MAML3: variants seen among roughly 807,000 people sequenced by gnomAD.
The protein encoded by MAML3 is mastermind like transcriptional coactivator 3.
MAML3 carries 27 observed loss-of-function variants against 101.9 expected under a neutral mutation model. The ratio of observed to expected loss-of-function variants is 0.27; its 90% CI spans 0.20 to 0.37. The LOEUF is 0.37. Ranked by LOEUF, MAML3 falls within the 10% of genes least tolerant of loss-of-function variation. The probability of loss-of-function intolerance (pLI) is 1.00; values close to 1 mark genes in which losing one functional copy is unlikely to be tolerated. For synonymous variants in MAML3, 501 were observed against 555.9 expected, an observed-to-expected ratio of 0.90 and a Z score of 1.39; for missense variants, 1,316 against 1,444.9, an observed-to-expected ratio of 0.91 and a Z score of 1.45.
At chr4:139,774,949 A>G (rs569834597) in intron 2 of MAML3, among the ~76,000 whole-genome samples, 29 of 152,300 alleles carry the variant, frequency 1.9e-4, no homozygotes, top group African/African-American at 6.5e-4. Context: ...TTTGATAGCT[A>G]CACCTGGGAT....
intron 1 of MAML3, among the ~76,000 whole-genome samples, chr4:139,956,861 C>T: frequency 6.6e-6 from 1 of 152,214 alleles, no homozygotes; most frequent in East Asian, 1.9e-4. Context: ...GCTTCGAACC[C>T]AGGAGAAGGG....
chr4:139,827,956 A>T (rs1731092998), intron 2 of MAML3, among the ~76,000 whole-genome samples: 1 of 152,214 alleles, frequency 6.6e-6, no homozygotes, highest in Admixed American at 6.5e-5. Flanking sequence ...TCAACTCTTG[A>T]AAAAGTGAGG....
chr4:139,980,745 G>T (rs1709920394), intron 1 of MAML3, among the ~76,000 whole-genome samples: 1 of 152,154 alleles, frequency 6.6e-6, no homozygotes, highest in Non-Finnish European at 1.5e-5. Context: ...TGACAGCCAA[G>T]GTTCTTCCTC....
intron 2 of MAML3, among the ~76,000 whole-genome samples, chr4:139,757,577 G>A (rs1184631178): frequency 1.3e-5 from 2 of 150,486 alleles, no homozygotes; most frequent in African/African-American, 2.5e-5. Context: ...TTGAACCTGG[G>A]AGATGCAGTG....
chr4:140,068,645 C>T (rs1378697376), intron 1 of MAML3, among the ~76,000 whole-genome samples: 1 of 152,166 alleles, frequency 6.6e-6, no homozygotes, highest in East Asian at 1.9e-4. Flanking sequence ...ATTACTTTAC[C>T]TCTCTAAAAT....
At chr4:139,827,300 G>A (rs909225056) in intron 2 of MAML3, among the ~76,000 whole-genome samples, 1 of 152,226 alleles carries the variant, frequency 6.6e-6, no homozygotes, top group African/African-American at 2.4e-5. Flanking sequence ...GCTCTATGAT[G>A]TGTAATAGGA....
chr4:139,922,997 C>T (rs1226408173), intron 1 of MAML3, among the ~76,000 whole-genome samples: 2 of 152,036 alleles, frequency 1.3e-5, no homozygotes, highest in African/African-American at 4.8e-5. Context: ...TCCCCTGCAC[C>T]CCAGTGCTCA....
At chr4:140,023,983 T>C (rs1347728839) in intron 1 of MAML3, among the ~76,000 whole-genome samples, 1 of 152,234 alleles carries the variant, frequency 6.6e-6, no homozygotes, top group Admixed American at 6.5e-5. Context: ...TACTTTCTTG[T>C]TTTTATAGCA....
At chr4:139,844,684 G>A (rs1055710639) in intron 2 of MAML3, among the ~76,000 whole-genome samples, 2 of 152,190 alleles carry the variant, frequency 1.3e-5, no homozygotes, top group Non-Finnish European at 2.9e-5. Context: ...CAGCCACATG[G>A]CTCCTCTTCA....
intron 2 of MAML3, among the ~76,000 whole-genome samples, chr4:139,739,643 A>G (rs1729083627): frequency 6.7e-6 from 1 of 149,726 alleles, no homozygotes; most frequent in Non-Finnish European, 1.5e-5. Flanking sequence ...GAAAAAGCTT[A>G]CCATATATAG....
At chr4:140,045,201 C>T (rs956194418) in intron 1 of MAML3, among the ~76,000 whole-genome samples, 1 of 152,090 alleles carries the variant, frequency 6.6e-6, no homozygotes, top group Non-Finnish European at 1.5e-5. Context: ...TTAAGACCAG[C>T]CTGGCCAACA....
chr4:139,886,213 T>A (rs1732335868), intron 2 of MAML3, among the ~76,000 whole-genome samples: 1 of 151,956 alleles, frequency 6.6e-6, no homozygotes, highest in South Asian at 2.1e-4. Context: ...AACTAATATA[T>A]GTCAATGAAT....
intron 1 of MAML3, among the ~76,000 whole-genome samples, chr4:140,004,752 C>T (rs1467216672): frequency 6.6e-6 from 1 of 152,152 alleles, no homozygotes; most frequent in East Asian, 1.9e-4. Context: ...CAGACCCGCT[C>T]TCCCTGCCAG....
chr4:139,944,368 C>T (rs1183989367), intron 1 of MAML3, among the ~76,000 whole-genome samples: 3 of 152,176 alleles, frequency 2.0e-5, no homozygotes, highest in Non-Finnish European at 2.9e-5. Flanking sequence ...TGTGATATTC[C>T]CCTTCCTGTG....
intron 2 of MAML3, among the ~76,000 whole-genome samples, chr4:139,806,423 T>G (rs1285793566): frequency 6.6e-6 from 1 of 152,136 alleles, no homozygotes; most frequent in Non-Finnish European, 1.5e-5. Context: ...ACAAAATATA[T>G]TTTTTCACTA....
intron 2 of MAML3, among the ~76,000 whole-genome samples, chr4:139,779,826 C>T (rs1342222040): frequency 6.6e-6 from 1 of 152,242 alleles, no homozygotes; most frequent in Non-Finnish European, 1.5e-5. Flanking sequence ...TATGGAGGCC[C>T]TTTCTCCACC....
chr4:140,034,786 G>A (rs1472625174), intron 1 of MAML3, among the ~76,000 whole-genome samples: 1 of 152,194 alleles, frequency 6.6e-6, no homozygotes, highest in African/African-American at 2.4e-5. Context: ...TTATTTGATT[G>A]TAGTTTGAAT....
At chr4:139,940,371 C>T (rs1026487913) in intron 1 of MAML3, among the ~76,000 whole-genome samples, 10 of 152,180 alleles carry the variant, frequency 6.6e-5, no homozygotes, top group Admixed American at 2.0e-4. Flanking sequence ...TTTAATAGGG[C>T]ACCTAAAGAT....
At chr4:140,080,551 T>G (rs1220320970) in intron 1 of MAML3, among the ~76,000 whole-genome samples, 2 of 152,192 alleles carry the variant, frequency 1.3e-5, no homozygotes, top group African/African-American at 4.8e-5. Context: ...GAGAAATGGA[T>G]TGGAAATAGA....
Sources: allele counts gnomAD v4.1 joint callset (sites outside exome capture counted in the v4.1 genomes callset), GRCh38; gene constraint gnomAD v4.1.1; transcripts MANE v1.5; gene names NCBI Gene and HGNC (gene_info 2026-07-23, HGNC 2026-07-21).